The following HKDC1 variants were observed in gnomAD, a reference collection of about 807,000 sequenced individuals.
HKDC1 encodes hexokinase HKDC1.
HKDC1 carries 66 observed loss-of-function variants against 96.6 expected under a neutral mutation model. That is an observed-to-expected ratio of 0.68 (90% CI 0.56 to 0.84). The LOEUF is 0.84. HKDC1 is among the 40% of genes least tolerant of loss of function. The pLI, the probability that HKDC1 is intolerant of heterozygous loss-of-function variation, is 0.00. For missense variants in HKDC1, 1,211 were observed against 1,208.1 expected (o/e 1.00, Z -0.04); for synonymous variants, 466 against 473.1 (o/e 0.98, Z 0.20).
intron 2 of HKDC1, among the ~76,000 whole-genome samples, chr10:69,230,007 A>G (rs1843226264): frequency 6.6e-6 from 1 of 152,108 alleles, no homozygotes; most frequent in African/African-American, 2.4e-5. Context: ...AACTCTCCTA[A>G]TTCCTTATGG....
At chr10:69,248,299 A>C in intron 9 of HKDC1, 125 bp from the exon 10 acceptor site, 2 of 954,316 alleles carry the variant, frequency 2.1e-6, no homozygotes, top group Non-Finnish European at 3.1e-6. Context: ...CCCTACCATC[A>C]GCAAATAAAG....
At position 69,233,625 on chromosome 10, in the gene HKDC1, G is replaced by A. The variant is rs1271702083; in HGVS notation, c.495+492G>A. ...GAATGGGGGCACTGGAGGACCAGGC[G>A]CGGTGGCTCACGCCTATAATCCCAG... is the stretch of plus-strand genomic sequence containing the variant. On this transcript the variant is annotated intron_variant, in intron 4 of 17. Coordinates refer to ENST00000354624, the MANE Select transcript of HKDC1 (RefSeq NM_025130.4). Among the ~76,000 whole-genome samples the A allele has an allele frequency of 5.4e-5, 8 of 149,104 alleles. No individual in the cohort carries two copies. In the South Asian group the frequency reaches 1.7e-3, roughly 32 times the overall value.
chr10:69,252,978 G>C (rs1843667434), intron 12 of HKDC1, among the ~76,000 whole-genome samples: 1 of 115,030 alleles, frequency 8.7e-6, no homozygotes, highest in African/African-American at 4.5e-5. Context: ...CTAAACGTGT[G>C]TGTGTGTGTG....
At chr10:69,260,580 C>T (rs1188386607) in intron 15 of HKDC1, among the ~76,000 whole-genome samples, 5 of 152,186 alleles carry the variant, frequency 3.3e-5, no homozygotes, top group Non-Finnish European at 5.9e-5. Flanking sequence ...AAGCCCAGCA[C>T]ATAAATGCTT....
At chr10:69,255,108 C>T (rs1388420341) in intron 12 of HKDC1, among the ~76,000 whole-genome samples, 1 of 152,240 alleles carries the variant, frequency 6.6e-6, no homozygotes, top group Non-Finnish European at 1.5e-5. Context: ...CTGCTCCTGA[C>T]TCAGGACACT....
chr10:69,226,017 C>T (rs1432420621), intron 1 of HKDC1: 6 of 152,176 alleles, frequency 3.9e-5, no homozygotes. Flanking sequence ...AGTATAAAAA[C>T]AGGGCTGGAA....
Position 69,250,415 on chromosome 10 carries a change from A to G in HKDC1, c.1696A>G (p.Met566Val). ...NKIFAIPLEI[M>V]QGTGEELFDH... The stretch of plus-strand genomic sequence containing the variant: ...GATCTTCGCCATCCCCCTGGAGATC[A>G]TGCAGGGCACTGGTGAGGAGGTAAG... Residue 566 changes from methionine to valine, a missense_variant, in exon 11 of 18, where the codon ATG becomes GTG. Transcript: ENST00000354624. 2 of 1,613,854 alleles carry G rather than the reference A, an allele frequency of 1.2e-6. No homozygotes were observed. The highest frequency in any genetic ancestry group is 1.7e-6 in the Non-Finnish European group (2 of 1,179,734).
At chr10:69,263,654 C>T (rs1843845459) in intron 16 of HKDC1, among the ~76,000 whole-genome samples, 1 of 152,142 alleles carries the variant, frequency 6.6e-6, no homozygotes, top group African/African-American at 2.4e-5. Flanking sequence ...ACCTCAGTTT[C>T]CTGCTTCATA....
rs544492392 is a variant in HKDC1, at chr10:69,239,289, T to A, written c.591+152T>A. 15 of 584,294 alleles carry A rather than the reference T, an allele frequency of 2.6e-5. No individual in the cohort carries two copies. The African/African-American group carries it at 2.8e-4, about 11-fold the overall frequency. 36.2% of individuals were successfully genotyped at this position (584,294 alleles called of 1,614,324 possible). A position where few individuals can be genotyped will look rare whatever the true frequency, so the allele number is the denominator to read the frequency against. ...ATTGATCTTAGAAAAGGTCCCACTG[T>A]AGTACAGATGTGGCCAACTTGGATG... is the stretch of plus-strand genomic sequence containing the variant. On this transcript the variant is annotated intron_variant, in intron 5 of 17. Transcript: ENST00000354624.
At chr10:69,242,235 C>T (rs1417568424) in intron 6 of HKDC1, among the ~76,000 whole-genome samples, 3 of 152,302 alleles carry the variant, frequency 2.0e-5, no homozygotes, top group East Asian at 3.9e-4. Flanking sequence ...AGGCCCTTGC[C>T]AGTCATGGCA....
intron 12 of HKDC1, among the ~76,000 whole-genome samples, chr10:69,252,572 G>A (rs1289917798): frequency 2.0e-5 from 3 of 151,198 alleles, no homozygotes; most frequent in Non-Finnish European, 2.9e-5. Flanking sequence ...GTGAACCCAG[G>A]AGGCGGAGCT....
intron 9 of HKDC1, among the ~76,000 whole-genome samples, 162 bp downstream of exon 9, chr10:69,247,755 C>G (rs1364351472): frequency 3.9e-5 from 6 of 152,224 alleles, no homozygotes; most frequent in Non-Finnish European, 8.8e-5. Context: ...CTGCATTCAT[C>G]TAGCTGGCTG....
rs1843912584 is a variant in HKDC1, at chr10:69,266,995, T to C, written c.*238T>C. On this transcript the variant is annotated 3_prime_UTR_variant, in exon 18 of 18. Coordinates refer to ENST00000354624, the MANE Select transcript of HKDC1 (RefSeq NM_025130.4). The stretch of plus-strand genomic sequence containing the variant: ...TGGGCCAACTTATGAAATCAAAGTG[T>C]CTGTCCTGAGAGATCCCCTTTCAAC... The C allele has an allele frequency of 5.0e-6, 2 of 398,320 alleles. No homozygotes were observed. Among genetic ancestry groups the C allele is most frequent in the African/African-American group, 2.0e-5 (1 of 48,984 alleles). 24.7% of individuals were successfully genotyped at this position (398,320 alleles called of 1,614,324 possible). A position where few individuals can be genotyped will look rare whatever the true frequency, so the allele number is the denominator to read the frequency against.
intron 17 of HKDC1, 147 bp from the exon 18 acceptor site, chr10:69,266,463 T>TGAA (rs1554871468): frequency 3.3e-4 from 182 of 548,668 alleles, no homozygotes; most frequent in Non-Finnish European, 4.6e-4. Flanking sequence ...AGACCATGTC[T>TGAA]AAAAAAAAAA....
In HKDC1 at chr10:69,232,596, T is replaced by G. The variant is rs1005150079; in HGVS notation, c.227-168T>G. On this transcript the variant is annotated intron_variant, in intron 2 of 17. Coordinates refer to ENST00000354624, the MANE Select transcript of HKDC1 (RefSeq NM_025130.4). ...TCACATCTCAGCTCTGCGCCTTACCTCGAGGGCTCTGAGAAATGGCCAGAG... is the reference window on the plus strand; with the variant it reads ...TCACATCTCAGCTCTGCGCCTTACCGCGAGGGCTCTGAGAAATGGCCAGAG... The G allele has an allele frequency of 7.6e-6, 5 of 660,030 alleles. No individual in the cohort carries two copies. In the African/African-American group the frequency reaches 9.1e-5, roughly 12 times the overall value. The allele number at this position is 660,030 out of a possible 1,614,324, so 40.9% of individuals were successfully genotyped here.
rs370768290 is a variant in HKDC1 at position 69,246,059 on chromosome 10, A to G, written c.876-20A>G. The G allele has an allele frequency of 6.2e-7, 1 of 1,612,662 alleles. No homozygotes were observed. Among genetic ancestry groups the G allele is most frequent in the African/African-American group, 1.3e-5 (1 of 74,908 alleles). On this transcript the variant is annotated intron_variant, in intron 7 of 17. Transcript: ENST00000354624. ...TTAATCAAAGGGGCTGCGTCCACAG[A>G]TCTGTTCACCAACCTGCAGGTTCGA...
chr10:69,248,285 C>T (rs1451944455), intron 9 of HKDC1, 139 bp from the exon 10 acceptor site: 5 of 839,558 alleles, frequency 6.0e-6, no homozygotes, highest in Non-Finnish European at 7.3e-6. Context: ...TCATCCCCTC[C>T]CCTCCCTACC....
chr10:69,228,781 A>G (rs12253459), intron 2 of HKDC1, among the ~76,000 whole-genome samples: 38,560 of 151,866 alleles, frequency 0.25, 5,646 homozygotes, highest in Non-Finnish European at 0.32. Flanking sequence ...CAGGAGAATC[A>G]CTTGAACCTG....
intron 12 of HKDC1, 126 bp from the exon 13 acceptor site, chr10:69,256,910 G>C (rs1564735991): frequency 1.4e-6 from 1 of 699,670 alleles, no homozygotes. Flanking sequence ...GGAGGTGGAG[G>C]CATAGTCAAA....
Sources: allele counts gnomAD v4.1 joint callset (sites outside exome capture counted in the v4.1 genomes callset), GRCh38; gene constraint gnomAD v4.1.1; transcripts MANE v1.5; gene names NCBI Gene and HGNC (gene_info 2026-07-23, HGNC 2026-07-21).